RNF212: variants seen among roughly 807,000 people sequenced by gnomAD.
The protein encoded by RNF212 is ring finger protein 212.
A neutral mutation model predicts 34.7 loss-of-function variants in RNF212; 33 were observed. The ratio of observed to expected loss-of-function variants is 0.95; its 90% CI spans 0.72 to 1.27. The LOEUF is 1.27. RNF212 is among the 50% of genes most tolerant of loss of function. The probability of loss-of-function intolerance (pLI) is 0.00; values close to 1 mark genes in which losing one functional copy is unlikely to be tolerated. For missense variants in RNF212, 377 were observed against 362.2 expected (o/e 1.04, Z -0.33); for synonymous variants, 140 against 136.1 (o/e 1.03, Z -0.20).
chr4:1,081,292 T>C, intron 7 of RNF212, 127 bp downstream of exon 7: 2 of 774,390 alleles, frequency 2.6e-6, no homozygotes, highest in Admixed American at 1.9e-5. Context: ...AATGAGTTCA[T>C]GTCCAGTCAA....
intron 5 of RNF212, among the ~76,000 whole-genome samples, chr4:1,085,274 TA>T (rs1486775311): frequency 6.6e-6 from 1 of 152,190 alleles, no homozygotes; most frequent in African/African-American, 2.4e-5. Flanking sequence ...TGGAATGCAG[TA>T]AAACTGTATT....
intron 4 of RNF212, 130 bp downstream of exon 4, chr4:1,090,652 G>A (rs1209843717): frequency 1.5e-6 from 1 of 677,082 alleles, no homozygotes; most frequent in African/African-American, 1.8e-5. Context: ...CCCATAGCTG[G>A]AAACACACAG....
intron 3 of RNF212, chr4:1,058,508 C>G: frequency 3.2e-6 from 1 of 310,572 alleles, no homozygotes; most frequent in Non-Finnish European, 4.7e-6. Flanking sequence ...TGCCTCCCTG[C>G]CACGAGGGCA....
At chr4:1,060,630 T>C (rs2153032272) in intron 3 of RNF212, among the ~76,000 whole-genome samples, 1 of 152,376 alleles carries the variant, frequency 6.6e-6, no homozygotes, top group Admixed American at 6.5e-5. Flanking sequence ...TTCACAAAGA[T>C]GTCCATTTGA....
intron 2 of RNF212, among the ~76,000 whole-genome samples, chr4:1,097,842 A>G (rs1256329756): frequency 1.3e-5 from 2 of 152,230 alleles, no homozygotes; most frequent in African/African-American, 4.8e-5. Context: ...AGGTGGGCAG[A>G]TCGCTTGAGG....
chr4:1,076,073 A>C (rs1347667672), intron 8 of RNF212, among the ~76,000 whole-genome samples: 1 of 152,212 alleles, frequency 6.6e-6, no homozygotes, highest in Admixed American at 6.5e-5. Context: ...ATAATAGAAA[A>C]TGCCATGCTC....
upstream of RNF212, chr4:1,113,657 G>A (rs1483790904): frequency 8.7e-5 from 42 of 483,046 alleles, no homozygotes; most frequent in Admixed American, 1.1e-3. Flanking sequence ...ACCTGGGAGG[G>A]CGCGTGTGAC....
chr4:1,080,211 C>A lies in RNF212; in HGVS notation c.465-523G>T, dbSNP rs576359289. On this transcript the variant is annotated intron_variant, in intron 7 of 9. Coordinates refer to ENST00000433731, the MANE Select transcript of RNF212 (RefSeq NM_001131034.4). ...GTTGGCCCCCTCCTAGCCCTGCCAT[C>A]CTTATGGCTCGTGATCTCTGCGGAA... Among the ~76,000 whole-genome samples the A allele has an allele frequency of 2.6e-5, 4 of 152,338 alleles. No homozygotes were observed. The South Asian group carries it at 6.2e-4, about 24-fold the overall frequency.
At chr4:1,093,337 TA>T in intron 3 of RNF212, 1 of 1,083,984 alleles carries the variant, frequency 9.2e-7, no homozygotes, top group Non-Finnish European at 1.2e-6. Context: ...TTAATTCATT[TA>T]AAAATAACAA....
chr4:1,096,610 C>A, intron 3 of RNF212, 155 bp downstream of exon 3: 1 of 678,504 alleles, frequency 1.5e-6, no homozygotes, highest in Non-Finnish European at 2.6e-6. Flanking sequence ...GTGCACCTGG[C>A]TCATCACAGA....
At chr4:1,098,856 A>G (rs982426959) in intron 2 of RNF212, among the ~76,000 whole-genome samples, 3 of 152,218 alleles carry the variant, frequency 2.0e-5, no homozygotes, top group African/African-American at 7.2e-5. Context: ...TGTCACTGTT[A>G]TCTAAGGTAT....
rs749217008 is a variant in RNF212, at chr4:1,096,745, C to A, written c.246+20G>T. On this transcript the variant is annotated intron_variant, in intron 3 of 9. Coordinates refer to ENST00000433731, the MANE Select transcript of RNF212 (RefSeq NM_001131034.4). Reference sequence around the variant, plus strand: ...GCACCTGGCTCATCACGGAACCAAGCCACACCCCTCACAGCTCACCTGGGA... The same window carrying A: ...GCACCTGGCTCATCACGGAACCAAGACACACCCCTCACAGCTCACCTGGGA... 1 of 1,586,372 alleles carries A rather than the reference C, an allele frequency of 6.3e-7. No individual in the cohort carries two copies. Among genetic ancestry groups the A allele is most frequent in the Non-Finnish European group, 8.6e-7 (1 of 1,157,364 alleles).
In RNF212 at chr4:1,079,523, G is replaced by A. The variant is rs539024531; in HGVS notation, c.510+120C>T. 99 of 771,676 alleles carry A rather than the reference G, an allele frequency of 1.3e-4. No homozygotes were observed. The African/African-American group carries it at 1.6e-3, about 13-fold the overall frequency. The allele number at this position is 771,676 out of a possible 1,614,324, so 47.8% of individuals were successfully genotyped here. A position where few individuals can be genotyped will look rare whatever the true frequency, so the allele number is the denominator to read the frequency against. ...ACCCACGGGACCAGCACACGAAGCA[G>A]CAGCACTGTGCAAAGTCTGTCTACT... is the stretch of plus-strand genomic sequence containing the variant. On this transcript the variant is annotated intron_variant, in intron 8 of 9. Transcript: ENST00000433731.
At chr4:1,090,495 C>T (rs1722014017) in intron 4 of RNF212, among the ~76,000 whole-genome samples, 1 of 152,196 alleles carries the variant, frequency 6.6e-6, no homozygotes, top group Non-Finnish European at 1.5e-5. Context: ...TCCAAACTCC[C>T]AAGGCCCCAG....
At chr4:1,099,730 C>A (rs113600875) in intron 2 of RNF212, 3 of 456,114 alleles carry the variant, frequency 6.6e-6, no homozygotes, top group Admixed American at 4.7e-5. Context: ...TGACTGAAGG[C>A]CTTTGCTGCG....
intron 3 of RNF212, among the ~76,000 whole-genome samples, chr4:1,094,543 G>C (rs1028802739): frequency 2.0e-5 from 3 of 152,158 alleles, no homozygotes; most frequent in African/African-American, 7.2e-5. Flanking sequence ...GGACCATGGA[G>C]CCAACACTGC....
At chr4:1,056,773 A>C in intron 4 of RNF212, 1 of 896,834 alleles carries the variant, frequency 1.1e-6, no homozygotes, top group Non-Finnish European at 1.3e-6. Flanking sequence ...CACTCAGTTA[A>C]AGAGCTTCTT....
intron 3 of RNF212, among the ~76,000 whole-genome samples, chr4:1,060,993 C>T (rs75865688): frequency 6.6e-6 from 1 of 152,206 alleles, no homozygotes; most frequent in Non-Finnish European, 1.5e-5. Context: ...CGAAACTGGA[C>T]AAAATGGTAG....
intron 3 of RNF212, among the ~76,000 whole-genome samples, chr4:1,062,401 A>G (rs1169552528): frequency 6.6e-6 from 1 of 152,254 alleles, no homozygotes; most frequent in Non-Finnish European, 1.5e-5. Flanking sequence ...TCATGGTAAC[A>G]GAACAAAACC....
Sources: gnomAD v4.1 joint callset for allele counts (sites outside exome capture counted in the v4.1 genomes callset) on GRCh38, gnomAD v4.1.1 for gene constraint, MANE v1.5 for transcripts, NCBI Gene and HGNC (gene_info 2026-07-23, HGNC 2026-07-21) for gene names.